ZNF331: variants seen among roughly 807,000 people sequenced by gnomAD.
ZNF331 encodes C2H2-like zinc finger protein rearranged in thyroid adenomas.
ZNF331 carries 2 observed loss-of-function variants against 7.0 expected under a neutral mutation model. The ratio of observed to expected loss-of-function variants is 0.29; its 90% CI spans 0.12 to 0.90. The LOEUF (loss-of-function observed/expected upper bound fraction) is 0.90, where lower values mean the gene tolerates loss of function less well. ZNF331 is among the 40% of genes least tolerant of loss of function. The pLI is 0.58. For synonymous variants in ZNF331, 196 were observed against 205.4 expected, an observed-to-expected ratio of 0.95 and a Z score of 0.39; for missense variants, 432 against 587.7, an observed-to-expected ratio of 0.74 and a Z score of 2.74.
At chr19:53,572,357 G>A (rs2090484297) in intron 5 of ZNF331, among the ~76,000 whole-genome samples, 2 of 151,912 alleles carry the variant, frequency 1.3e-5, no homozygotes, top group South Asian at 4.1e-4. Context: ...AGCTGTCTGT[G>A]GTGACCCTGC....
At chr19:53,527,802 C>T (rs1243733295) in intron 2 of ZNF331, among the ~76,000 whole-genome samples, 3 of 152,190 alleles carry the variant, frequency 2.0e-5, no homozygotes, top group Non-Finnish European at 4.4e-5. Flanking sequence ...TTCACGTTTA[C>T]ACCTTATAGA....
At chr19:53,519,931 G>T (rs944379708), upstream of ZNF331, among the ~76,000 whole-genome samples, 3 of 152,186 alleles carry the variant, frequency 2.0e-5, no homozygotes, top group Non-Finnish European at 4.4e-5. Context: ...GCTCGGGGCT[G>T]TATTTCCAAG....
At chr19:53,540,893 C>A (rs1048012144) in intron 2 of ZNF331, among the ~76,000 whole-genome samples, 16 of 152,310 alleles carry the variant, frequency 1.1e-4, no homozygotes, top group African/African-American at 3.6e-4. Context: ...GTTCATCTCA[C>A]CCTCTTCTCA....
In ZNF331 at chr19:53,578,005, G is replaced by A; in HGVS notation, c.*53G>A. 1 of 1,532,310 alleles carries A rather than the reference G, an allele frequency of 6.5e-7. No homozygotes were observed. Among genetic ancestry groups the A allele is most frequent in the Non-Finnish European group, 8.8e-7 (1 of 1,139,394 alleles). 94.9% of individuals were successfully genotyped at this position (1,532,310 alleles called of 1,614,324 possible). A position where few individuals can be genotyped will look rare whatever the true frequency, so the allele number is the denominator to read the frequency against. Reference sequence around the variant, plus strand: ...CGTATCTATGGTTTCGCTTTCCACAGTTTGTTACCTGCAGTCAACTGCAGT... The same window carrying A: ...CGTATCTATGGTTTCGCTTTCCACAATTTGTTACCTGCAGTCAACTGCAGT... On this transcript the variant is annotated 3_prime_UTR_variant, in exon 6 of 6. Transcript: ENST00000449416.
In ZNF331 at chr19:53,560,520, T is replaced by C. The variant is rs986419109; in HGVS notation, c.-74+4612T>C. On this transcript the variant is annotated intron_variant, in intron 3 of 5. Transcript: ENST00000449416. This position sits in a 1 kb window ranked among gnomAD's most constrained non-coding sequence, Gnocchi z 4.3. ...TTTTCAATATTAGGCCTTATATCAGTTTATTTTTGCTGTTTTAACAAATTA... is the reference window on the plus strand; with the variant it reads ...TTTTCAATATTAGGCCTTATATCAGCTTATTTTTGCTGTTTTAACAAATTA... 6.6e-6 allele frequency among the ~76,000 whole-genome samples: 1 copy of C among 152,178 alleles called. No individual in the cohort carries two copies. The highest frequency in any genetic ancestry group is 2.1e-4 in the South Asian group (1 of 4,830).
intron 5 of ZNF331, among the ~76,000 whole-genome samples, chr19:53,575,291 G>T (rs547561993): frequency 1.3e-5 from 2 of 152,080 alleles, no homozygotes; most frequent in African/African-American, 4.8e-5. Flanking sequence ...TCCAGAGCTG[G>T]CCATTTAACA....
chr19:53,534,333 G>A (rs2087656693), upstream of ZNF331, among the ~76,000 whole-genome samples: 1 of 151,518 alleles, frequency 6.6e-6, no homozygotes, highest in Non-Finnish European at 1.5e-5. Flanking sequence ...TGTTGCCTGG[G>A]CTGGAGTGCA....
the ZNF331 span, chr19:53,503,716 C>T: frequency 1.4e-6 from 1 of 701,494 alleles, no homozygotes; most frequent in Admixed American, 2.0e-5. Flanking sequence ...AGGCCATCAC[C>T]ATCAGCCCCA....
At chr19:53,508,827 C>T in the ZNF331 span, among the ~76,000 whole-genome samples, 2 of 152,084 alleles carry the variant, frequency 1.3e-5, no homozygotes, top group Non-Finnish European at 2.9e-5. Context: ...TCACCTTGCT[C>T]TTAGGGACAA....
the ZNF331 span, among the ~76,000 whole-genome samples, chr19:53,506,305 A>T: frequency 9.1e-6 from 1 of 109,980 alleles, no homozygotes; most frequent in Admixed American, 9.3e-5. Context: ...ACCGCACTCC[A>T]GCCTGGGCGA....
At chr19:53,517,550 A>C (rs2086931873), upstream of ZNF331, among the ~76,000 whole-genome samples, 1 of 152,176 alleles carries the variant, frequency 6.6e-6, no homozygotes, top group Non-Finnish European at 1.5e-5. Flanking sequence ...CTTCTTTGCA[A>C]GATCAACAGA....
intron 2 of ZNF331, among the ~76,000 whole-genome samples, chr19:53,550,568 G>T (rs1317219647): frequency 1.0e-5 from 1 of 100,184 alleles, no homozygotes; most frequent in East Asian, 3.5e-4. Flanking sequence ...TTAGAGTCTC[G>T]CTGTATCACC....
intron 3 of ZNF331, among the ~76,000 whole-genome samples, chr19:53,565,405 G>A (rs1359557319): frequency 1.3e-5 from 2 of 152,138 alleles, no homozygotes; most frequent in African/African-American, 2.4e-5. Flanking sequence ...ATGTTGCCCA[G>A]GCTGGTCTCA....
upstream of ZNF331, among the ~76,000 whole-genome samples, chr19:53,536,765 T>C (rs2087768743): frequency 6.6e-6 from 1 of 151,996 alleles, no homozygotes; most frequent in South Asian, 2.1e-4. Flanking sequence ...TAGCCGGGCG[T>C]GGTAGCGCAT....
chr19:53,512,081 C>T, the ZNF331 span: 1 of 152,316 alleles, frequency 6.6e-6, no homozygotes, highest in Non-Finnish European at 1.5e-5. Flanking sequence ...CTGGACAGGG[C>T]TGGGCACCTC....
Position 53,540,218 on chromosome 19 carries a change from G to A in ZNF331, c.-138+936G>A, listed in dbSNP as rs192691374. 4.9e-4 allele frequency among the ~76,000 whole-genome samples: 75 copies of A among 152,204 alleles called. No individual in the cohort carries two copies. In the East Asian group the frequency reaches 5.0e-3, roughly 10 times the overall value. On this transcript the variant is annotated intron_variant, in intron 2 of 5. Coordinates refer to ENST00000449416, the MANE Select transcript of ZNF331 (RefSeq NM_001079906.2). Reference sequence around the variant, plus strand: ...AGTCTGTAACAAAGTACCATAGACCGGTGGCTGAAACCACAAACATTTATT... The same window carrying A: ...AGTCTGTAACAAAGTACCATAGACCAGTGGCTGAAACCACAAACATTTATT...
chr19:53,545,468 A>T (rs1292805453), intron 2 of ZNF331, among the ~76,000 whole-genome samples: 4 of 152,198 alleles, frequency 2.6e-5, no homozygotes, highest in Non-Finnish European at 5.9e-5. Context: ...CAGAGGGCCT[A>T]GGAGAGGATA....
intron 2 of ZNF331, among the ~76,000 whole-genome samples, chr19:53,523,677 A>G (rs1046912272): frequency 3.3e-5 from 5 of 151,910 alleles, no homozygotes; most frequent in Non-Finnish European, 7.4e-5. Context: ...TCTGCTGTGC[A>G]TAAGTTTTTT....
At chr19:53,511,757 C>G in the ZNF331 span, among the ~76,000 whole-genome samples, 1 of 151,986 alleles carries the variant, frequency 6.6e-6, no homozygotes, top group Admixed American at 6.6e-5. Flanking sequence ...TTTATTTTTG[C>G]TATACTTTAT....
Sources: allele counts gnomAD v4.1 joint callset (sites outside exome capture counted in the v4.1 genomes callset), GRCh38; gene constraint gnomAD v4.1.1; non-coding constraint Gnocchi (gnomAD v3.1); transcripts MANE v1.5; gene names NCBI Gene and HGNC (gene_info 2026-07-23, HGNC 2026-07-21).